The following CACNA2D1 variants were observed in gnomAD, a reference collection of about 807,000 sequenced individuals.
CACNA2D1 encodes the protein calcium voltage-gated channel auxiliary subunit alpha2delta 1, also known as voltage-dependent calcium channel subunit alpha-2/delta-1.
Under a neutral mutation model 171.5 loss-of-function variants are expected in CACNA2D1, and 53 were observed. That is an observed-to-expected ratio of 0.31 (90% CI 0.25 to 0.39). CACNA2D1 has a LOEUF of 0.39. Ranked by LOEUF, CACNA2D1 falls within the 10% of genes least tolerant of loss-of-function variation. The pLI is 1.00. For missense variants in CACNA2D1, 903 were observed against 1,299.8 expected, an observed-to-expected ratio of 0.69 and a Z score of 4.69; for synonymous variants, 442 against 443.1, an observed-to-expected ratio of 1.00 and a Z score of 0.03.
chr7:82,359,561 A>G (rs1026819302), intron 1 of CACNA2D1, among the ~76,000 whole-genome samples: 3 of 152,110 alleles, frequency 2.0e-5, no homozygotes, highest in African/African-American at 7.2e-5. Context: ...TTTTCTTTCT[A>G]CTAAACTGAA....
At chr7:82,090,554 TAGTACTATTTTATATTTA>T (rs1170863175) in intron 6 of CACNA2D1, among the ~76,000 whole-genome samples, 3 of 152,102 alleles carry the variant, frequency 2.0e-5, no homozygotes, top group African/African-American at 4.8e-5. Context: ...ACTAATAGTT[TAGTACTATTTTATATTTA>T]AGTACTATTT....
intron 38 of CACNA2D1, among the ~76,000 whole-genome samples, chr7:81,954,248 C>G (rs1054681335): frequency 1.3e-4 from 20 of 151,872 alleles, no homozygotes; most frequent in Admixed American, 3.9e-4. Flanking sequence ...TAGAAAATAA[C>G]AGATTGGTAC....
intron 6 of CACNA2D1, among the ~76,000 whole-genome samples, chr7:82,111,678 G>A (rs1186195791): frequency 6.6e-6 from 1 of 151,330 alleles, no homozygotes; most frequent in African/African-American, 2.4e-5. Context: ...CTAACTCCTG[G>A]GCTCAATCGA....
In CACNA2D1 at chr7:82,242,119, G is replaced by A. The variant is rs142821342; in HGVS notation, c.295-71510C>T. Reference sequence around the variant, plus strand: ...GGGGAAAAAAGTGAAAATGCCTAATGGCATACATGACTTAGGTTAGGGATT... The same window carrying A: ...GGGGAAAAAAGTGAAAATGCCTAATAGCATACATGACTTAGGTTAGGGATT... On this transcript the variant is annotated intron_variant, in intron 3 of 38. Coordinates refer to ENST00000356860, the MANE Select transcript of CACNA2D1 (RefSeq NM_000722.4). Among the ~76,000 whole-genome samples, 810 of 152,128 alleles carry A rather than the reference G, an allele frequency of 5.3e-3. 6 individuals are homozygous for A. The highest frequency in any genetic ancestry group is 6.0e-3 in the Non-Finnish European group (407 of 67,968).
At chr7:82,209,203 C>G (rs1400207116) in intron 3 of CACNA2D1, among the ~76,000 whole-genome samples, 1 of 152,140 alleles carries the variant, frequency 6.6e-6, no homozygotes, top group African/African-American at 2.4e-5. Flanking sequence ...GGAAATTAAA[C>G]TGGGAAATGG....
At chr7:82,313,552 C>A (rs1814737475) in intron 3 of CACNA2D1, among the ~76,000 whole-genome samples, 1 of 152,176 alleles carries the variant, frequency 6.6e-6, no homozygotes, top group Non-Finnish European at 1.5e-5. Flanking sequence ...TTGTCCCATG[C>A]CTTCCATTCT....
intron 38 of CACNA2D1, among the ~76,000 whole-genome samples, chr7:81,952,029 C>A (rs1346266198): frequency 9.9e-6 from 1 of 100,584 alleles, no homozygotes; most frequent in African/African-American, 4.1e-5. Context: ...GCCATTAGTG[C>A]AGGAGTAAGG....
At chr7:82,251,535 G>T (rs1697009279) in intron 3 of CACNA2D1, among the ~76,000 whole-genome samples, 1 of 152,056 alleles carries the variant, frequency 6.6e-6, no homozygotes, top group Non-Finnish European at 1.5e-5. Flanking sequence ...TTATCATTGT[G>T]CTGTGACAAC....
intron 1 of CACNA2D1, among the ~76,000 whole-genome samples, chr7:82,436,939 AG>A (rs2129459497): frequency 1.3e-5 from 2 of 152,264 alleles, no homozygotes; most frequent in South Asian, 4.1e-4. Flanking sequence ...ATTATCCCTA[AG>A]GTATTGGGCA....
chr7:82,400,466 A>G (rs1215043956), intron 1 of CACNA2D1, among the ~76,000 whole-genome samples: 2 of 152,138 alleles, frequency 1.3e-5, no homozygotes, highest in African/African-American at 4.8e-5. Context: ...ACGATTCCCT[A>G]TTTAATAAAT....
intron 7 of CACNA2D1, among the ~76,000 whole-genome samples, chr7:82,079,484 G>A (rs897102083): frequency 3.0e-4 from 45 of 152,030 alleles, no homozygotes; most frequent in African/African-American, 1.1e-3. Context: ...CTGAGGTCAG[G>A]ACTTCGAGAC....
intron 3 of CACNA2D1, among the ~76,000 whole-genome samples, chr7:82,322,125 CAAAAAAAAAA>C (rs71093373): frequency 4.6e-5 from 2 of 43,636 alleles, no homozygotes; most frequent in African/African-American, 8.2e-5. Context: ...GACTCCGTCT[CAAAAAAAAAA>C]AAAAAAAAAA....
At chr7:82,294,088 A>C (rs1422015765) in intron 3 of CACNA2D1, among the ~76,000 whole-genome samples, 1 of 152,136 alleles carries the variant, frequency 6.6e-6, no homozygotes, top group Non-Finnish European at 1.5e-5. Flanking sequence ...GGGCATTTGA[A>C]AGAAAATAAA....
intron 1 of CACNA2D1, among the ~76,000 whole-genome samples, chr7:82,353,725 T>C (rs1820105076): frequency 6.6e-6 from 1 of 152,000 alleles, no homozygotes; most frequent in South Asian, 2.1e-4. Context: ...AGGTGAGAAA[T>C]TTATCCACCT....
intron 3 of CACNA2D1, among the ~76,000 whole-genome samples, chr7:82,310,981 TATTTG>T (rs1814387627): frequency 6.6e-6 from 1 of 152,178 alleles, no homozygotes; most frequent in Non-Finnish European, 1.5e-5. Flanking sequence ...CAATCCGGCT[TATTTG>T]ATTTATTAAA....
rs921582355 is a variant in CACNA2D1, at chr7:82,222,850, GT to G, written c.295-52242del. ...GAATATCCAAATAAAATCAAAATTAGTTTTTTTTCCAGAATATTATATCTTT... is the reference window on the plus strand; with the variant it reads ...GAATATCCAAATAAAATCAAAATTAGTTTTTTTCCAGAATATTATATCTTT... On this transcript the variant is annotated intron_variant, in intron 3 of 38. Transcript: ENST00000356860. Among the ~76,000 whole-genome samples the G allele has an allele frequency of 4.3e-4, 63 of 145,706 alleles. 1 individual carries two copies. The highest frequency in any genetic ancestry group is 1.0e-4 in the African/African-American group (4 of 40,030).
At chr7:82,211,838 C>T (rs528380053) in intron 3 of CACNA2D1, among the ~76,000 whole-genome samples, 8 of 152,274 alleles carry the variant, frequency 5.3e-5, no homozygotes, top group South Asian at 2.1e-4. Context: ...AGTACATAAA[C>T]GTTCCCTTTC....
chr7:82,335,568 T>A (rs569454233), intron 2 of CACNA2D1, among the ~76,000 whole-genome samples: 1 of 152,236 alleles, frequency 6.6e-6, no homozygotes, highest in Admixed American at 6.5e-5. Flanking sequence ...GTCATCAGCA[T>A]CGTAAGAGAA....
At chr7:82,066,656 A>G (rs1283076904) in intron 7 of CACNA2D1, 132 bp from the exon 8 acceptor site, 1 of 1,334,384 alleles carries the variant, frequency 7.5e-7, no homozygotes, top group Non-Finnish European at 1.0e-6. Context: ...CAAATGAGAG[A>G]TATCATTTTT....
Sources: gnomAD v4.1 joint callset for allele counts (sites outside exome capture counted in the v4.1 genomes callset) on GRCh38, gnomAD v4.1.1 for gene constraint, MANE v1.5 for transcripts, NCBI Gene and HGNC (gene_info 2026-07-23, HGNC 2026-07-21) for gene names.